DCTN4: variants seen among roughly 807,000 people sequenced by gnomAD.
The protein encoded by DCTN4 is dynactin 4 (p62).
Under a neutral mutation model 62.7 loss-of-function variants are expected in DCTN4, and 23 were observed. The observed-to-expected ratio is 0.37, with a 90% CI of 0.26 to 0.52. The LOEUF (loss-of-function observed/expected upper bound fraction) is 0.52. Among genes scored for constraint, DCTN4 ranks in the 20% least tolerant of loss-of-function variants. The pLI, the probability that DCTN4 is intolerant of heterozygous loss-of-function variation, is 0.92. For missense variants in DCTN4, 514 were observed against 580.4 expected (o/e 0.89, Z 1.18); for synonymous variants, 199 against 202.1 (o/e 0.98, Z 0.13).
intron 9 of DCTN4, among the ~76,000 whole-genome samples, 172 bp from the exon 10 acceptor site, chr5:150,719,942 G>A (rs1223329739): frequency 6.6e-6 from 1 of 152,014 alleles, no homozygotes; most frequent in East Asian, 1.9e-4. Flanking sequence ...AAAGACATAA[G>A]ACCAAACTGG....
chr5:150,755,120 C>G (rs1277940026), intron 2 of DCTN4, among the ~76,000 whole-genome samples: 2 of 152,028 alleles, frequency 1.3e-5, no homozygotes, highest in Non-Finnish European at 2.9e-5. Flanking sequence ...TGAAAGAGCT[C>G]CCAATGGCCA....
At chr5:150,748,050 G>T (rs886921675) in intron 3 of DCTN4, among the ~76,000 whole-genome samples, 1 of 150,782 alleles carries the variant, frequency 6.6e-6, no homozygotes, top group Non-Finnish European at 1.5e-5. Context: ...ATCTGACAAA[G>T]GGCTAAGATC....
At chr5:150,731,325 CTGTG>C (rs3217226) in intron 6 of DCTN4, 87 bp downstream of exon 6, 47 of 1,092,020 alleles carry the variant, frequency 4.3e-5, no homozygotes, top group Middle Eastern at 2.0e-4. Flanking sequence ...CCATTGACAA[CTGTG>C]TGTGTGTGTG....
rs1759536520 is a variant in DCTN4 at position 150,710,930 on chromosome 5, GAC to G, written c.*217_*218del. ...TCAACGTGCAGGGTTCAGTGAGGGA[GAC>G]ACAGACTTACTGGTGTCAACAGGGG... On this transcript the variant is annotated 3_prime_UTR_variant, in exon 13 of 13. Transcript: ENST00000447998. 2 of 565,960 alleles carry G rather than the reference GAC, an allele frequency of 3.5e-6. No individual in the cohort carries two copies. The highest frequency in any genetic ancestry group is 3.8e-5 in the African/African-American group (2 of 53,186). The allele number at this position is 565,960 out of a possible 1,614,324, so 35.1% of individuals were successfully genotyped here. A position where few individuals can be genotyped will look rare whatever the true frequency, so the allele number is the denominator to read the frequency against.
chr5:150,738,391 A>G (rs1760655323), intron 4 of DCTN4, among the ~76,000 whole-genome samples: 1 of 152,220 alleles, frequency 6.6e-6, no homozygotes, highest in Non-Finnish European at 1.5e-5. Flanking sequence ...ACTGGATCCA[A>G]CAGCATATCA....
Position 150,758,873 on chromosome 5 carries a change from A to G in DCTN4, c.121T>C (p.Cys41Arg), listed in dbSNP as rs760951427. ...GACTCTGTTACCTCGTGAGACACAC[A>G]TTCCAGCGACCGCAGTTCGCTACAA... ...RYCSELRSLE[C>R]VSHEVDSHYC... The change falls in exon 1 of 13, where the codon TGT becomes CGT. Residue 41 changes from cysteine (C) to arginine (R), a missense_variant. Physicochemically the swap from Cys to Arg is radical, Grantham distance 180 (BLOSUM62 -3). Coordinates refer to ENST00000447998, the MANE Select transcript of DCTN4 (RefSeq NM_016221.4). 1.2e-6 allele frequency: 2 copies of G among 1,613,850 alleles called. No homozygotes were observed. Among genetic ancestry groups the G allele is most frequent in the South Asian group, 2.2e-5 (2 of 91,070 alleles).
Position 150,730,631 on chromosome 5 carries a change from A to G in DCTN4, c.834T>C (p.Arg278=), listed in dbSNP as rs780496909. ...TCAGTCTACAGAATGGAATACTTAC[A>G]CGGCAGCGCAGGGACCGTTTGATCA... ...HLLIKRSLRC[R]KCEHNLSKPE... is the part of the protein sequence containing the mutation. The change falls in exon 8 of 13, where the codon CGT becomes CGC. Residue 278 remains arginine, a splice_region_variant and synonymous_variant. Transcript: ENST00000447998. The G allele has an allele frequency of 1.2e-6, 2 of 1,613,292 alleles. No individual in the cohort carries two copies. The highest frequency in any genetic ancestry group is 1.7e-6 in the Non-Finnish European group (2 of 1,179,424).
intron 4 of DCTN4, 138 bp downstream of exon 4, chr5:150,741,976 G>T: frequency 1.3e-6 from 1 of 764,578 alleles, no homozygotes; most frequent in Non-Finnish European, 2.3e-6. Context: ...GTCTTACAAT[G>T]AGAAGCACTG....
chr5:150,758,120 T>G, intron 1 of DCTN4: 1 of 985,610 alleles, frequency 1.0e-6, no homozygotes, highest in Non-Finnish European at 1.2e-6. Context: ...ACTCGCCTTT[T>G]AATCCCTAAA....
Position 150,711,006 on chromosome 5 carries a change from A to G in DCTN4, c.*143T>C, listed in dbSNP as rs948976589. 3.2e-5 allele frequency: 26 copies of G among 811,130 alleles called. No individual in the cohort carries two copies. In the East Asian group the frequency reaches 6.7e-4, roughly 21 times the overall value. 50.2% of individuals were successfully genotyped at this position (811,130 alleles called of 1,614,324 possible). On this transcript the variant is annotated 3_prime_UTR_variant, in exon 13 of 13. Coordinates refer to ENST00000447998, the MANE Select transcript of DCTN4 (RefSeq NM_016221.4). The stretch of plus-strand genomic sequence containing the variant: ...ACCCTGTGTTCCCAATGCCTTGCCT[A>G]TGCTCCCACTTTCTTAGCAATAGAA...
rs1303269256 is a variant in DCTN4 at position 150,731,176 on chromosome 5, A to C, written c.612-20T>G. On this transcript the variant is annotated intron_variant, in intron 6 of 12. Transcript: ENST00000447998. ...TTAAGGCTGAAAAATTAAAAAAACA[A>C]AACAAAACAAAACAAAAGAGTAATT... The C allele has an allele frequency of 2.0e-6, 3 of 1,472,596 alleles. No homozygotes were observed. Among genetic ancestry groups the C allele is most frequent in the Non-Finnish European group, 1.9e-6 (2 of 1,053,744 alleles). The allele number at this position is 1,472,596 out of a possible 1,614,324, so 91.2% of individuals were successfully genotyped here.
rs548732343 is a variant in DCTN4 at position 150,710,763 on chromosome 5, A to G, written c.*386T>C. 4.6e-6 allele frequency: 1 copy of G among 219,682 alleles called. No individual in the cohort carries two copies. Among genetic ancestry groups the G allele is most frequent in the African/African-American group, 2.2e-5 (1 of 44,856 alleles). The allele number at this position is 219,682 out of a possible 1,614,324, so 13.6% of individuals were successfully genotyped here. On this transcript the variant is annotated 3_prime_UTR_variant, in exon 13 of 13. Transcript: ENST00000447998. ...TTAACAGCAGGTCTACCTTTGGGTT[A>G]TCATTTAAGTTTCATCTGTGACATT...
At chr5:150,744,258 C>G (rs1271500889) in intron 3 of DCTN4, among the ~76,000 whole-genome samples, 1 of 151,828 alleles carries the variant, frequency 6.6e-6, no homozygotes, top group Non-Finnish European at 1.5e-5. Flanking sequence ...TAAAAAGAAA[C>G]GAACAAAGCC....
chr5:150,721,758 T>C lies in DCTN4; in HGVS notation c.908+1149A>G, dbSNP rs376002083. Among the ~76,000 whole-genome samples the C allele has an allele frequency of 9.2e-5, 14 of 152,358 alleles. No homozygotes were observed. In the East Asian group the frequency reaches 2.1e-3, roughly 23 times the overall value. On this transcript the variant is annotated intron_variant, in intron 9 of 12. Transcript: ENST00000447998. ...TGGGATATTAAACTTTTGTTTGTCA[T>C]GACTGCCAAATATTCTTTCTTGCTT...
chr5:150,716,637 C>T (rs937155061), intron 11 of DCTN4, among the ~76,000 whole-genome samples: 4 of 152,002 alleles, frequency 2.6e-5, no homozygotes, highest in African/African-American at 4.8e-5. Context: ...AAAAAAGGAA[C>T]GTCAGGGCAC....
In DCTN4 at chr5:150,733,408, T is replaced by C; in HGVS notation, c.497A>G (p.Lys166Arg). Residue 166 changes from lysine (K) to arginine (R), a missense_variant, in exon 5 of 13, where the codon AAA becomes AGA. By Grantham distance (26) the Lys-to-Arg change is conservative. Coordinates refer to ENST00000447998, the MANE Select transcript of DCTN4 (RefSeq NM_016221.4). ...CATATAGTTTCTACGTCGTGCCAGT[T>C]TCTTGCGATCTCGCTCAACCTTCTC... The part of the protein sequence containing the change: ...QKEKVERDRK[K>R]LARRRNYMPL... 1 of 1,614,120 alleles carries C rather than the reference T, an allele frequency of 6.2e-7. No individual in the cohort carries two copies. The highest frequency in any genetic ancestry group is 8.5e-7 in the Non-Finnish European group (1 of 1,179,994).
At chr5:150,755,423 A>T in intron 2 of DCTN4, 1 of 419,956 alleles carries the variant, frequency 2.4e-6, no homozygotes, top group East Asian at 7.1e-5. Context: ...TTTACAGTGG[A>T]GAAACCTGAC....
At chr5:150,731,679 A>T in intron 5 of DCTN4, 190 bp from the exon 6 acceptor site, 1 of 635,078 alleles carries the variant, frequency 1.6e-6, no homozygotes, top group Non-Finnish European at 2.7e-6. Flanking sequence ...AAATAATAAC[A>T]GCACTAAACA....
intron 3 of DCTN4, among the ~76,000 whole-genome samples, chr5:150,747,928 A>G (rs1581599331): frequency 7.0e-6 from 1 of 143,526 alleles, no homozygotes; most frequent in Non-Finnish European, 1.5e-5. Context: ...ACAAAAGCCA[A>G]AATTGACAAA....
Sources: gnomAD v4.1 joint callset for allele counts (sites outside exome capture counted in the v4.1 genomes callset) on GRCh38, gnomAD v4.1.1 for gene constraint, MANE v1.5 for transcripts, NCBI Gene and HGNC (gene_info 2026-07-23, HGNC 2026-07-21) for gene names.